Variants in ELAVL2 observed in about 807,000 individuals in gnomAD.
The protein encoded by ELAVL2 is ELAV like RNA binding protein 2, also known as ELAV-like protein 2.
In ELAVL2, 4 loss-of-function variants were observed where a neutral mutation model predicts 34.6. The observed-to-expected ratio is 0.12, with a 90% confidence interval of 0.06 to 0.26. The LOEUF (loss-of-function observed/expected upper bound fraction) is 0.26, where lower values mean the gene tolerates loss of function less well. Ranked by LOEUF, ELAVL2 falls within the 10% of genes least tolerant of loss-of-function variation. The pLI, the probability that ELAVL2 is intolerant of heterozygous loss-of-function variation, is 1.00. For missense variants in ELAVL2, 432 were observed against 442.8 expected (o/e 0.98, Z 0.22); for synonymous variants, 193 against 154.8 (o/e 1.25, Z -1.83).
Position 23,704,926 on chromosome 9 carries a change from T to G in ELAVL2, c.479A>C (p.Gln160Pro), listed in dbSNP as rs771308416. ...RIITSRILVD[Q>P]VTGISRGVGF... ...AGTGGCTGTCTACTTACCAGTGACC[T>G]GGTCGACAAGAATACGAGAAGTAAT... The change falls in exon 4 of 7, where the codon CAG (glutamine) becomes CCG (proline). Residue 160 changes from glutamine (Q) to proline (P), a missense_variant. Gln to Pro is a moderately conservative substitution (Grantham distance 76). This residue lies in a region of ELAVL2 where 295 missense variants were observed against 306.1 expected (regional missense o/e 0.96). Coordinates refer to ENST00000397312, the MANE Select transcript of ELAVL2 (RefSeq NM_004432.5). 1 of 1,614,112 alleles carries G rather than the reference T, an allele frequency of 6.2e-7. No individual in the cohort carries two copies. The highest frequency in any genetic ancestry group is 1.1e-5 in the South Asian group (1 of 91,082).
chr9:23,791,324 G>T (rs1448552345), intron 1 of ELAVL2, among the ~76,000 whole-genome samples: 1 of 152,136 alleles, frequency 6.6e-6, no homozygotes. Context: ...TAAAACTGTA[G>T]ATCAGAAATT....
At chr9:23,787,360 T>G (rs2059818902) in intron 1 of ELAVL2, among the ~76,000 whole-genome samples, 1 of 150,448 alleles carries the variant, frequency 6.6e-6, no homozygotes, top group Non-Finnish European at 1.5e-5. Flanking sequence ...GCCTCCAGAG[T>G]AGCTAGGATT....
chr9:23,741,128 C>T (rs547220342), intron 2 of ELAVL2, among the ~76,000 whole-genome samples: 27 of 151,984 alleles, frequency 1.8e-4, no homozygotes, highest in South Asian at 4.2e-4. Context: ...TTTAGTGTGT[C>T]AAAACAGAGA....
chr9:23,824,841 A>AG (rs1202382442), intron 1 of ELAVL2, among the ~76,000 whole-genome samples: 5 of 151,998 alleles, frequency 3.3e-5, no homozygotes, highest in Non-Finnish European at 4.4e-5. Context: ...TATTCGAGGA[A>AG]GTGGGGGCGG....
Position 23,813,326 on chromosome 9 carries a change from A to C in ELAVL2, c.-16+12480T>G, listed in dbSNP as rs575494181. ...CCTGCTGCTTCTGGAGTGGGGGAGAAAAGGCTGAAGACTGAAAAAAATAAA... is the reference window on the plus strand; with the variant it reads ...CCTGCTGCTTCTGGAGTGGGGGAGACAAGGCTGAAGACTGAAAAAAATAAA... On this transcript the variant is annotated intron_variant, in intron 1 of 6. Coordinates refer to ENST00000397312, the MANE Select transcript of ELAVL2 (RefSeq NM_004432.5). 1.1e-3 allele frequency among the ~76,000 whole-genome samples: 174 copies of C among 152,148 alleles called. 3 individuals are homozygous for C. The highest frequency in any genetic ancestry group is 0.011 in the South Asian group (53 of 4,820).
intron 1 of ELAVL2, among the ~76,000 whole-genome samples, chr9:23,781,638 T>C (rs1376964764): frequency 1.3e-5 from 2 of 151,492 alleles, no homozygotes; most frequent in Non-Finnish European, 2.9e-5. Flanking sequence ...CCTCAGCCTC[T>C]TGAGTAGCTG....
intron 1 of ELAVL2, among the ~76,000 whole-genome samples, chr9:23,798,688 G>C (rs1028197760): frequency 1.1e-4 from 17 of 152,098 alleles, no homozygotes; most frequent in Non-Finnish European, 1.8e-4. Context: ...CGAGGGAGGA[G>C]TCAGATTTTT....
chr9:23,839,312 G>C, the ELAVL2 span, among the ~76,000 whole-genome samples: 1 of 151,280 alleles, frequency 6.6e-6, no homozygotes, highest in Non-Finnish European at 1.5e-5. Flanking sequence ...GTCATATATA[G>C]AGGACATAAA....
intron 2 of ELAVL2, among the ~76,000 whole-genome samples, chr9:23,752,138 G>A (rs1046379590): frequency 5.3e-5 from 8 of 152,126 alleles, no homozygotes; most frequent in African/African-American, 1.9e-4. Flanking sequence ...TCACGTAACT[G>A]AATGGGTATT....
chr9:23,736,380 A>C (rs966087100), intron 2 of ELAVL2, among the ~76,000 whole-genome samples: 2 of 152,226 alleles, frequency 1.3e-5, no homozygotes, highest in African/African-American at 4.8e-5. Context: ...CAAAGGAGAA[A>C]AAGATCTTTC....
intron 2 of ELAVL2, among the ~76,000 whole-genome samples, chr9:23,734,042 A>T (rs900807757): frequency 6.6e-6 from 1 of 152,328 alleles, no homozygotes; most frequent in Non-Finnish European, 1.5e-5. Flanking sequence ...GCCACTCAGA[A>T]TATGTTTGAG....
chr9:23,806,819 C>CGAA (rs2062289630), intron 1 of ELAVL2, among the ~76,000 whole-genome samples: 1 of 152,098 alleles, frequency 6.6e-6, no homozygotes. Context: ...CCCAAGTGCC[C>CGAA]ATTCCGTAAC....
chr9:23,760,498 ACATGTTTAAAACAT>A (rs2054718740), intron 2 of ELAVL2, among the ~76,000 whole-genome samples: 1 of 152,036 alleles, frequency 6.6e-6, no homozygotes, highest in Non-Finnish European at 1.5e-5. Flanking sequence ...ACAAAAGATA[ACATGTTTAAAACAT>A]GTTAAAAAGA....
At chr9:23,762,379 A>G (rs1231299325) in intron 1 of ELAVL2, 130 bp from the exon 2 acceptor site, 5 of 1,174,222 alleles carry the variant, frequency 4.3e-6, no homozygotes, top group Admixed American at 2.5e-5. Flanking sequence ...GCTTCAACAA[A>G]AAGTGTAATA....
intron 1 of ELAVL2, among the ~76,000 whole-genome samples, chr9:23,819,800 C>CTTTT (rs992876946): frequency 6.2e-4 from 95 of 152,262 alleles, no homozygotes; most frequent in African/African-American, 2.3e-3. Flanking sequence ...TAACATGTTT[C>CTTTT]TTCATATTCT....
chr9:23,788,415 A>G (rs963756789), intron 1 of ELAVL2, among the ~76,000 whole-genome samples: 3 of 152,184 alleles, frequency 2.0e-5, no homozygotes, highest in Non-Finnish European at 2.9e-5. Context: ...CCAGGCACTC[A>G]AAAGCCCCAA....
At chr9:23,767,005 A>T (rs2056413547) in intron 1 of ELAVL2, among the ~76,000 whole-genome samples, 1 of 152,262 alleles carries the variant, frequency 6.6e-6, no homozygotes, top group Non-Finnish European at 1.5e-5. Flanking sequence ...ACTTGTGCCA[A>T]TTCAGACTGC....
chr9:23,703,915 C>A (rs997370812), intron 4 of ELAVL2, among the ~76,000 whole-genome samples: 3 of 151,990 alleles, frequency 2.0e-5, no homozygotes, highest in Non-Finnish European at 2.9e-5. Flanking sequence ...ACAAGTATTG[C>A]TTTCATTTTA....
At chr9:23,774,150 G>T (rs2057790487) in intron 1 of ELAVL2, among the ~76,000 whole-genome samples, 1 of 138,702 alleles carries the variant, frequency 7.2e-6, no homozygotes, top group Non-Finnish European at 1.5e-5. Flanking sequence ...GGCAGAGCTT[G>T]CAGTGAGTCT....
Sources: allele counts gnomAD v4.1 joint callset (sites outside exome capture counted in the v4.1 genomes callset), GRCh38; gene constraint gnomAD v4.1.1; regional missense constraint gnomAD v4.1.1; transcripts MANE v1.5; gene names NCBI Gene and HGNC (gene_info 2026-07-23, HGNC 2026-07-21).